The following AGMAT variants were observed in gnomAD, a reference collection of about 807,000 sequenced individuals.
The protein encoded by AGMAT is agmatinase (putative), also known as guanidino acid hydrolase, mitochondrial.
In AGMAT, 37 loss-of-function variants were observed where a neutral mutation model predicts 29.3. That is an observed-to-expected ratio of 1.26 (90% confidence interval 0.97 to 1.66). The LOEUF is 1.66. Among genes scored for constraint, AGMAT ranks in the 40% most tolerant of loss-of-function variants. The probability of loss-of-function intolerance (pLI) is 0.00; values close to 1 mark genes in which losing one functional copy is unlikely to be tolerated. For missense variants in AGMAT, 498 were observed against 497.8 expected (o/e 1.00, Z 0.00); for synonymous variants, 199 against 200.8 (o/e 0.99, Z 0.08).
At chr1:15,583,615 A>T (rs544272060) in intron 1 of AGMAT, among the ~76,000 whole-genome samples, 1 of 152,168 alleles carries the variant, frequency 6.6e-6, no homozygotes, top group African/African-American at 2.4e-5. Flanking sequence ...ATACTGCCAA[A>T]TGTCCCCGGA....
intron 6 of AGMAT, 77 bp from the exon 7 acceptor site, chr1:15,573,801 T>C: frequency 7.7e-7 from 1 of 1,307,124 alleles, no homozygotes. Context: ...CTCAGCTTTC[T>C]CTTCCCCTTG....
chr1:15,573,160 G>A lies in AGMAT; in HGVS notation c.*491C>T. 1 of 153,988 alleles carries A rather than the reference G, an allele frequency of 6.5e-6. No homozygotes were observed. Among genetic ancestry groups the A allele is most frequent in the Non-Finnish European group, 1.4e-5 (1 of 69,372 alleles). 9.5% of individuals were successfully genotyped at this position (153,988 alleles called of 1,614,324 possible). ...TGTAATCCCAGGTACTCAGGAGGCT[G>A]AGGCAGGAGAATCGATTGAACTCGG... On this transcript the variant is annotated 3_prime_UTR_variant, in exon 7 of 7. Transcript: ENST00000375826.
At chr1:15,574,280 G>T (rs1639000746) in intron 6 of AGMAT, among the ~76,000 whole-genome samples, 1 of 151,800 alleles carries the variant, frequency 6.6e-6, no homozygotes, top group Admixed American at 6.6e-5. Flanking sequence ...TTTTGTTAGG[G>T]TTAATGAGCT....
In AGMAT at chr1:15,584,799, A is replaced by G; in HGVS notation, c.169T>C (p.Cys57Arg). 7.1e-7 allele frequency: 1 copy of G among 1,398,828 alleles called. No individual in the cohort carries two copies. The highest frequency in any genetic ancestry group is 9.3e-7 in the Non-Finnish European group (1 of 1,078,800). The allele number at this position is 1,398,828 out of a possible 1,614,324, so 86.7% of individuals were successfully genotyped here. The change falls in exon 1 of 7, where the codon TGC becomes CGC. Residue 57 changes from cysteine to arginine, a missense_variant. By Grantham distance (180) the Cys-to-Arg change is radical (BLOSUM62 -3). Transcript: ENST00000375826. Reference sequence around the variant, plus strand: ...TGCACCGGCAGGCGCATCATGGAGCAGACGCCCACCGGCCGGGCCACGAAC... The same window carrying G: ...TGCACCGGCAGGCGCATCATGGAGCGGACGCCCACCGGCCGGGCCACGAAC... ...PEFVARPVGV[C>R]SMMRLPVQTS...
Position 15,573,379 on chromosome 1 carries a change from C to T in AGMAT, c.*272G>A, listed in dbSNP as rs1199733397. The T allele has an allele frequency of 8.5e-6, 3 of 354,464 alleles. No individual in the cohort carries two copies. The highest frequency in any genetic ancestry group is 9.5e-5 in the East Asian group (2 of 21,070). The allele number at this position is 354,464 out of a possible 1,614,324, so 22.0% of individuals were successfully genotyped here. On this transcript the variant is annotated 3_prime_UTR_variant, in exon 7 of 7. Transcript: ENST00000375826. The stretch of plus-strand genomic sequence containing the variant: ...ATAATCTTGAAAGAAATTCTCCTCA[C>T]TTCCCCTTTATCCTCCATCTTTCAT...
At chr1:15,584,057 GGGAGA>G (rs1448728984) in intron 1 of AGMAT, among the ~76,000 whole-genome samples, 1 of 152,204 alleles carries the variant, frequency 6.6e-6, no homozygotes, top group Non-Finnish European at 1.5e-5. Context: ...CTGTAAGCTG[GGGAGA>G]GGAGAGGGGA....
intron 5 of AGMAT, 154 bp from the exon 6 acceptor site, chr1:15,574,995 C>A (rs979064361): frequency 4.5e-5 from 27 of 595,484 alleles, no homozygotes; most frequent in African/African-American, 3.7e-4. Flanking sequence ...GGCAGGCCTC[C>A]CAGAGAAACA....
intron 2 of AGMAT, 127 bp downstream of exon 2, chr1:15,583,066 T>C (rs933527850): frequency 1.0e-5 from 8 of 793,122 alleles, no homozygotes; most frequent in Non-Finnish European, 1.6e-5. Flanking sequence ...TACAATGCTC[T>C]CTTTCCTACT....
chr1:15,575,428 G>A (rs1639023636), intron 5 of AGMAT: 1 of 152,764 alleles, frequency 6.5e-6, no homozygotes, highest in Non-Finnish European at 1.5e-5. Context: ...CATTTCAAGA[G>A]AGAGAGTTAT....
Position 15,572,375 on chromosome 1 carries a change from T to TTC in AGMAT, c.*1275_*1276insGA, listed in dbSNP as rs1638966811. On this transcript the variant is annotated 3_prime_UTR_variant, in exon 7 of 7. Coordinates refer to ENST00000375826, the MANE Select transcript of AGMAT (RefSeq NM_024758.5). ...TGCTTTTTTTTTTTTTTTTTTTTTTTTGGAGACGGAGTCTCACTCTGTCAC... is the reference window on the plus strand; with the variant it reads ...TGCTTTTTTTTTTTTTTTTTTTTTTTTCTGGAGACGGAGTCTCACTCTGTCAC... 7.0e-6 allele frequency: 1 copy of TTC among 142,240 alleles called. No homozygotes were observed. Among genetic ancestry groups the TTC allele is most frequent in the Admixed American group, 7.0e-5 (1 of 14,192 alleles). The allele number at this position is 142,240 out of a possible 1,614,324, so 8.8% of individuals were successfully genotyped here.
chr1:15,577,636 G>T, intron 5 of AGMAT, 49 bp downstream of exon 5: 1 of 1,538,470 alleles, frequency 6.5e-7, no homozygotes. Context: ...AGGAAAATGG[G>T]TGTTAAGTGT....
At chr1:15,576,437 G>T (rs1418557129) in intron 5 of AGMAT, among the ~76,000 whole-genome samples, 1 of 142,620 alleles carries the variant, frequency 7.0e-6, no homozygotes, top group Non-Finnish European at 1.5e-5. Context: ...TGGTTGGTTG[G>T]TTTTTTTTTT....
At chr1:15,581,736 G>T (rs1393139818) in intron 2 of AGMAT, among the ~76,000 whole-genome samples, 1 of 151,888 alleles carries the variant, frequency 6.6e-6, no homozygotes, top group Admixed American at 6.6e-5. Context: ...TTAGCTGGGC[G>T]TGGTGGCACG....
chr1:15,581,833 A>G (rs1050045821), intron 2 of AGMAT, among the ~76,000 whole-genome samples: 2 of 151,548 alleles, frequency 1.3e-5, no homozygotes, highest in Non-Finnish European at 2.9e-5. Flanking sequence ...CAAGCGGGAC[A>G]ACAAGAGCAA....
intron 6 of AGMAT, 54 bp downstream of exon 6, chr1:15,574,703 C>T (rs989499959): frequency 1.2e-5 from 18 of 1,470,732 alleles, no homozygotes; most frequent in Non-Finnish European, 1.7e-5. Context: ...TAACTAGCTT[C>T]GTGTAATTTA....
In AGMAT at chr1:15,572,146, GAAAAAAAA is replaced by G. The variant is rs560322313; in HGVS notation, c.*1497_*1504del. 1.6e-5 allele frequency among the ~76,000 whole-genome samples: 1 copy of G among 63,746 alleles called. No homozygotes were observed. The highest frequency in any genetic ancestry group is 3.0e-5 in the Non-Finnish European group (1 of 32,908). The allele number at this position is 63,746 out of a possible 152,430, so 41.8% of individuals were successfully genotyped here. ...GGGGACAGAGCGAGACTCCATCTCA[GAAAAAAAA>G]AAAAAAAAAAAAGCCCAGCTGACAT... On this transcript the variant is annotated 3_prime_UTR_variant, in exon 7 of 7. Coordinates refer to ENST00000375826, the MANE Select transcript of AGMAT (RefSeq NM_024758.5).
chr1:15,578,934 G>A lies in AGMAT; in HGVS notation c.645C>T (p.Asp215=), dbSNP rs555964262. 2.5e-6 allele frequency: 4 copies of A among 1,614,186 alleles called. No homozygotes were observed. The highest frequency in any genetic ancestry group is 3.3e-5 in the Admixed American group (2 of 60,022). Reference sequence around the variant, plus strand: ...TGCCAATCTGCACCACACGCTTACAGTCCAGGAGACCCTCATCCACACACC... The same window carrying A: ...TGCCAATCTGCACCACACGCTTACAATCCAGGAGACCCTCATCCACACACC... ...FRRCVDEGLL[D]CKRVVQIGIR... The change falls in exon 4 of 7, where the codon GAC becomes GAT. Residue 215 remains aspartate, a synonymous_variant. Coordinates refer to ENST00000375826, the MANE Select transcript of AGMAT (RefSeq NM_024758.5).
At chr1:15,581,508 T>TATCC (rs2103439444) in intron 2 of AGMAT, among the ~76,000 whole-genome samples, 1 of 151,974 alleles carries the variant, frequency 6.6e-6, no homozygotes, top group Non-Finnish European at 1.5e-5. Flanking sequence ...TGGTAGCCAC[T>TATCC]ATCCACATGT....
intron 3 of AGMAT, among the ~76,000 whole-genome samples, chr1:15,579,574 G>C (rs1639084498): frequency 6.6e-6 from 1 of 152,094 alleles, no homozygotes; most frequent in Non-Finnish European, 1.5e-5. Context: ...ACACATTCTG[G>C]AGCTGCCACC....
Sources: allele counts gnomAD v4.1 joint callset (sites outside exome capture counted in the v4.1 genomes callset), GRCh38; gene constraint gnomAD v4.1.1; transcripts MANE v1.5; gene names NCBI Gene and HGNC (gene_info 2026-07-23, HGNC 2026-07-21).